TNRC6B: variants seen among roughly 807,000 people sequenced by gnomAD.
The protein encoded by TNRC6B is trinucleotide repeat-containing gene 6B protein.
A neutral mutation model predicts 203.6 loss-of-function variants in TNRC6B; 52 were observed. The observed-to-expected ratio is 0.26, with a 90% confidence interval of 0.20 to 0.32. The LOEUF is 0.32. Ranked by LOEUF, TNRC6B falls within the 10% of genes least tolerant of loss-of-function variation. The pLI, the probability that TNRC6B is intolerant of heterozygous loss-of-function variation, is 1.00. For missense variants in TNRC6B, 1,923 were observed against 2,286.2 expected, an observed-to-expected ratio of 0.84 and a Z score of 3.24; for synonymous variants, 838 against 845.7, an observed-to-expected ratio of 0.99 and a Z score of 0.16.
At chr22:40,294,711 A>T (rs983562616) in intron 12 of TNRC6B, among the ~76,000 whole-genome samples, 16 of 152,330 alleles carry the variant, frequency 1.1e-4, no homozygotes, top group South Asian at 2.1e-4. Flanking sequence ...ATATATCTAT[A>T]CTCACCCTCC....
intron 2 of TNRC6B, chr22:40,125,675 C>T: frequency 1.4e-6 from 1 of 710,526 alleles, no homozygotes; most frequent in Non-Finnish European, 2.3e-6. Context: ...TTCACAGTAT[C>T]TGTGGCCTTA....
intron 1 of TNRC6B, among the ~76,000 whole-genome samples, chr22:40,244,597 A>G (rs2070079127): frequency 1.3e-5 from 2 of 152,068 alleles, no homozygotes; most frequent in Non-Finnish European, 2.9e-5. Context: ...GTCCTTCGGG[A>G]ACCATCTTTA....
chr22:40,129,914 A>G (rs1040332605), intron 3 of TNRC6B, among the ~76,000 whole-genome samples: 2 of 152,204 alleles, frequency 1.3e-5, no homozygotes, highest in Admixed American at 6.5e-5. Flanking sequence ...ATTTTCTATG[A>G]TAGTTTCTAA....
At position 40,149,271 on chromosome 22, in the gene TNRC6B, A is replaced by C. The variant is rs135630; in HGVS notation, c.46-6844A>C. 8.1e-3 allele frequency among the ~76,000 whole-genome samples: 1,227 copies of C among 152,342 alleles called. 6 individuals are homozygous for C. Among genetic ancestry groups the C allele is most frequent in the Non-Finnish European group, 0.014 (923 of 68,038 alleles). On this transcript the variant is annotated intron_variant, in intron 3 of 23. Coordinates refer to the TNRC6B transcript ENST00000301923. ...AAGAAGCCAGACAGAAAAAGAGTAC[A>C]TACTGTTTGATTCCACTTATGGAAG...
chr22:40,127,442 C>G (rs2068503008), intron 3 of TNRC6B, among the ~76,000 whole-genome samples: 2 of 152,146 alleles, frequency 1.3e-5, no homozygotes, highest in Admixed American at 6.5e-5. Context: ...GTGAGGTACA[C>G]ACACGATCTA....
Position 40,265,435 on chromosome 22 carries a change from A to G in TNRC6B, c.1205A>G (p.Asn402Ser). Residue 402 changes from asparagine (N) to serine (S), a missense_variant, in exon 5 of 23, where the codon AAC becomes AGC. Asn to Ser is a conservative substitution (Grantham distance 46). Coordinates refer to ENST00000454349, the MANE Select transcript of TNRC6B (RefSeq NM_001162501.2). ...KGMPFGMGLG[N>S]TSRSTDAPSQ... is the part of the protein sequence containing the mutation. ...ATGCCCTTTGGAATGGGCTTGGGGAACACCTCCAGGAGCACTGATGCCCCT... is the reference window on the plus strand; with the variant it reads ...ATGCCCTTTGGAATGGGCTTGGGGAGCACCTCCAGGAGCACTGATGCCCCT... 1 of 1,614,024 alleles carries G rather than the reference A, an allele frequency of 6.2e-7. No homozygotes were observed. The highest frequency in any genetic ancestry group is 8.5e-7 in the Non-Finnish European group (1 of 1,179,886).
chr22:40,133,980 A>AC (rs1371020666), intron 3 of TNRC6B, among the ~76,000 whole-genome samples: 1 of 149,212 alleles, frequency 6.7e-6, no homozygotes, highest in Non-Finnish European at 1.5e-5. Flanking sequence ...CAAAAAAAAA[A>AC]AAAAAAAAAA....
At chr22:40,115,362 C>T (rs1247549488) in intron 1 of TNRC6B, among the ~76,000 whole-genome samples, 4 of 152,172 alleles carry the variant, frequency 2.6e-5, no homozygotes, top group African/African-American at 9.7e-5. Context: ...TTAATGAATC[C>T]AGTCGTCCTC....
In TNRC6B at chr22:40,265,289, G is replaced by A. The variant is rs368312406; in HGVS notation, c.1059G>A (p.Ala353=). ...AACAGCAGTCAAAGATGGAAAATGC[G>A]GGTGTTAATTTTGTTGTCTCTGGCA... The part of the protein sequence containing the change: ...SREQQSKMEN[A]GVNFVVSGRE... The change falls in exon 5 of 23, where the codon GCG becomes GCA. Residue 353 remains alanine, a synonymous_variant. Transcript: ENST00000454349. The A allele has an allele frequency of 5.0e-6, 8 of 1,613,866 alleles. No homozygotes were observed. The highest frequency in any genetic ancestry group is 2.2e-5 in the East Asian group (1 of 44,902).
chr22:40,049,094 ACTG>A (rs1442402198), intron 1 of TNRC6B, among the ~76,000 whole-genome samples: 1 of 151,940 alleles, frequency 6.6e-6, no homozygotes, highest in African/African-American at 2.4e-5. Context: ...ACATTTATAC[ACTG>A]CTGGCTGGGC....
intron 12 of TNRC6B, among the ~76,000 whole-genome samples, chr22:40,290,979 A>G (rs1484851682): frequency 6.6e-6 from 1 of 152,120 alleles, no homozygotes; most frequent in Non-Finnish European, 1.5e-5. Context: ...TCCATTTTTG[A>G]ATTTTGTTTT....
chr22:40,045,011 C>G (rs906467417), intron 1 of TNRC6B: 1 of 149,222 alleles, frequency 6.7e-6, no homozygotes, highest in African/African-American at 2.4e-5. Flanking sequence ...GAGTGAGGTG[C>G]GGCGGCCGCG....
chr22:40,332,351 C>G lies in TNRC6B; in HGVS notation c.*9110C>G, dbSNP rs1480553319. ...TTGCATTTGGCAGGCTGTATGAAGC[C>G]AATGAGCTGCGAGGTGTTTTGACAG... On this transcript the variant is annotated 3_prime_UTR_variant, in exon 23 of 23. Coordinates refer to ENST00000454349, the MANE Select transcript of TNRC6B (RefSeq NM_001162501.2). 6.6e-6 allele frequency: 1 copy of G among 152,588 alleles called. No individual in the cohort carries two copies. The highest frequency in any genetic ancestry group is 1.5e-5 in the Non-Finnish European group (1 of 68,036). The allele number at this position is 152,588 out of a possible 1,614,324, so 9.5% of individuals were successfully genotyped here. A position where few individuals can be genotyped will look rare whatever the true frequency, so the allele number is the denominator to read the frequency against.
intron 4 of TNRC6B, among the ~76,000 whole-genome samples, chr22:40,164,027 A>G (rs2146360631): frequency 6.6e-6 from 1 of 152,148 alleles, no homozygotes; most frequent in South Asian, 2.1e-4. Flanking sequence ...ATCGACTGTT[A>G]AGAATCCCTC....
intron 1 of TNRC6B, among the ~76,000 whole-genome samples, chr22:40,197,661 GGTGCGATTCATAGTTCA>G (rs2069359278): frequency 6.7e-6 from 1 of 150,014 alleles, no homozygotes; most frequent in African/African-American, 2.5e-5. Flanking sequence ...GGAGTGCAGT[GGTGCGATTCATAGTTCA>G]GTGCAGCCTC....
intron 7 of TNRC6B, among the ~76,000 whole-genome samples, chr22:40,274,752 C>T (rs1293853827): frequency 6.6e-6 from 1 of 152,124 alleles, no homozygotes; most frequent in South Asian, 2.1e-4. Flanking sequence ...ACATCATGTA[C>T]CAGGTTGTGT....
rs1391123438 is a variant in TNRC6B at position 40,266,835 on chromosome 22, G to C, written c.2605G>C (p.Asp869His). The change falls in exon 5 of 23, where the codon GAT (aspartate) becomes CAT (histidine). Residue 869 changes from aspartate to histidine, a missense_variant. By Grantham distance (81) the Asp-to-His change is moderately conservative. Around this residue, in one of 8 missense-constraint regions of TNRC6B, gnomAD observed 599 missense variants for 656.5 expected, o/e 0.91. Transcript: ENST00000454349. ...CGGGCCACAGCCTGCAACACCTAAG[G>C]ATGAGGAACCCAGTGGTTGGGAAGA... ...SSGPQPATPK[D>H]EEPSGWEEPS... The C allele has an allele frequency of 6.2e-7, 1 of 1,613,834 alleles. No homozygotes were observed. Among genetic ancestry groups the C allele is most frequent in the African/African-American group, 1.3e-5 (1 of 74,918 alleles).
At chr22:40,047,807 G>T (rs551395615) in intron 1 of TNRC6B, among the ~76,000 whole-genome samples, 1 of 152,312 alleles carries the variant, frequency 6.6e-6, no homozygotes, top group East Asian at 1.9e-4. Context: ...GTGATAAATT[G>T]TGTGCTCTTC....
At chr22:40,133,646 T>C (rs181383650) in intron 3 of TNRC6B, among the ~76,000 whole-genome samples, 297 of 152,260 alleles carry the variant, frequency 2.0e-3, no homozygotes, top group Non-Finnish European at 3.5e-3. Flanking sequence ...AGAAGGCTAT[T>C]ATATGCAGAG....
Sources: allele counts gnomAD v4.1 joint callset (sites outside exome capture counted in the v4.1 genomes callset), GRCh38; gene constraint gnomAD v4.1.1; regional missense constraint gnomAD v4.1.1; transcripts MANE v1.5; gene names NCBI Gene and HGNC (gene_info 2026-07-23, HGNC 2026-07-21).